CXorf38: variants seen among roughly 807,000 people sequenced by gnomAD.
CXorf38 encodes chromosome X open reading frame 38, also known as uncharacterized protein CXorf38.
CXorf38 carries 13 observed loss-of-function variants against 27.5 expected under a neutral mutation model. That is an observed-to-expected ratio of 0.47 (90% CI 0.31 to 0.75). CXorf38 has a LOEUF of 0.75. Among genes scored for constraint, CXorf38 ranks in the 30% least tolerant of loss-of-function variants. The probability of loss-of-function intolerance (pLI) is 0.05; values close to 1 mark genes in which losing one functional copy is unlikely to be tolerated. For synonymous variants in CXorf38, 100 were observed against 99.8 expected, an observed-to-expected ratio of 1.00 and a Z score of -0.01; for missense variants, 240 against 253.2, an observed-to-expected ratio of 0.95 and a Z score of 0.35.
In CXorf38 at chrX:40,643,663, C is replaced by A. The variant is rs753712600; in HGVS notation, c.351+3344G>T. 3.1e-4 allele frequency among the ~76,000 whole-genome samples: 35 copies of A among 111,196 alleles called. No homozygotes were observed. In the South Asian group the frequency reaches 0.013, roughly 42 times the overall value. On this transcript the variant is annotated intron_variant, in intron 2 of 6. Transcript: ENST00000327877. ...AGCTGGGATTACAGGCATGCGCCAC[C>A]ATGCCTGGCTAATTTTTTGTATTTT...
intron 5 of CXorf38, among the ~76,000 whole-genome samples, chrX:40,634,514 A>C (rs1927975213): frequency 8.9e-6 from 1 of 112,770 alleles, no homozygotes. Flanking sequence ...ATGAGAATGC[A>C]TCTTACCATT....
At chrX:40,646,465 T>C (rs770520124) in intron 2 of CXorf38, among the ~76,000 whole-genome samples, 1 of 111,206 alleles carries the variant, frequency 9.0e-6, no homozygotes, top group Admixed American at 9.5e-5. Flanking sequence ...GGCAAAAAAA[T>C]TTCCTACTCG....
chrX:40,640,044 G>T (rs1245572649), intron 2 of CXorf38: 2 of 193,224 alleles, frequency 1.0e-5, no homozygotes, highest in Non-Finnish European at 1.9e-5. Context: ...AAAGTTACTC[G>T]CAATAAGAAC....
intron 2 of CXorf38, among the ~76,000 whole-genome samples, chrX:40,644,325 G>A (rs1928478607): frequency 8.9e-6 from 1 of 112,018 alleles, no homozygotes; most frequent in Non-Finnish European, 1.9e-5. Flanking sequence ...CAACACACGA[G>A]TGGAGGTATG....
intron 5 of CXorf38, among the ~76,000 whole-genome samples, chrX:40,631,708 G>A (rs746924407): frequency 8.9e-6 from 1 of 112,342 alleles, no homozygotes; most frequent in Non-Finnish European, 1.9e-5. Flanking sequence ...GAGAGCAGTA[G>A]TTCTTAAACT....
In CXorf38 at chrX:40,629,387, A is replaced by G. The variant is rs1238210553; in HGVS notation, c.*777T>C. 1.8e-5 allele frequency: 2 copies of G among 111,683 alleles called. No homozygotes were observed. The highest frequency in any genetic ancestry group is 9.5e-5 in the Admixed American group (1 of 10,534). The allele number at this position is 111,683 out of a possible 1,213,427, so 9.2% of individuals were successfully genotyped here. A position where few individuals can be genotyped will look rare whatever the true frequency, so the allele number is the denominator to read the frequency against. On this transcript the variant is annotated 3_prime_UTR_variant, in exon 7 of 7. Coordinates refer to ENST00000327877, the MANE Select transcript of CXorf38 (RefSeq NM_144970.3). ...CTTCTTGCTTTCCTCTAAAAAGGAAATATTTCTTTCCTATCCCAACATTTA... is the reference window on the plus strand; with the variant it reads ...CTTCTTGCTTTCCTCTAAAAAGGAAGTATTTCTTTCCTATCCCAACATTTA...
chrX:40,639,187 G>A (rs923560555), intron 2 of CXorf38, 59 bp from the exon 3 acceptor site: 1 of 1,104,131 alleles, frequency 9.1e-7, no homozygotes, highest in African/African-American at 1.8e-5. Flanking sequence ...GAGATGGAAA[G>A]GCAATGGTTA....
chrX:40,630,791 G>A lies in CXorf38; in HGVS notation c.802-18C>T. ...TTTGAGAGCTGCAAGAGGAAACCAT[G>A]CAATGTACAGCTTAGACGATTTTAT... On this transcript the variant is annotated intron_variant, in intron 5 of 6. Transcript: ENST00000327877. The A allele has an allele frequency of 8.3e-7, 1 of 1,200,974 alleles. No individual in the cohort carries two copies. The highest frequency in any genetic ancestry group is 1.1e-6 in the Non-Finnish European group (1 of 887,799).
At chrX:40,631,928 T>C (rs1445608246) in intron 5 of CXorf38, among the ~76,000 whole-genome samples, 1 of 111,120 alleles carries the variant, frequency 9.0e-6, no homozygotes, top group African/African-American at 3.3e-5. Context: ...TTCAGATTGG[T>C]CAGTAAGTAG....
intron 2 of CXorf38, among the ~76,000 whole-genome samples, chrX:40,642,706 G>T (rs1028340353): frequency 1.8e-5 from 2 of 111,768 alleles, no homozygotes; most frequent in Non-Finnish European, 3.8e-5. Context: ...TGCTCTGCTG[G>T]ATTTGTGTAT....
rs780266283 is a variant in CXorf38 at position 40,627,815 on chromosome X, G to A, written c.*2349C>T. 4.6e-4 allele frequency: 51 copies of A among 112,053 alleles called. 4 individuals carry two copies. The highest frequency in any genetic ancestry group is 3.8e-5 in the Non-Finnish European group (2 of 53,249). 9.2% of individuals were successfully genotyped at this position (112,053 alleles called of 1,213,427 possible). On this transcript the variant is annotated 3_prime_UTR_variant, in exon 7 of 7. Transcript: ENST00000327877. ...GACAAATCCAGTAAGATGACAGTTC[G>A]TATACCATCATCCATACCTTACACA...
chrX:40,630,680 G>A lies in CXorf38; in HGVS notation c.895C>T (p.Leu299Phe), dbSNP rs754223811. Residue 299 changes from leucine (L) to phenylalanine (F), a missense_variant, in exon 6 of 7, where the codon CTC (leucine) becomes TTC (phenylalanine). Coordinates refer to ENST00000327877, the MANE Select transcript of CXorf38 (RefSeq NM_144970.3). ...GAATCCAGTTTTTGATGTAGACAGA[G>A]GCTGTCTAGCTTCTGCATATCTTCT... ...LTEDMQKLDS[L>F]CLHQKLDSQE... 1 of 1,206,720 alleles carries A rather than the reference G, an allele frequency of 8.3e-7. No homozygotes were observed. Among genetic ancestry groups the A allele is most frequent in the Non-Finnish European group, 1.1e-6 (1 of 891,081 alleles).
chrX:40,632,427 T>C (rs903445526), intron 5 of CXorf38, among the ~76,000 whole-genome samples: 8 of 112,086 alleles, frequency 7.1e-5, no homozygotes, highest in Admixed American at 3.8e-4. Context: ...TGCCTTTCTT[T>C]CCCATTATCT....
chrX:40,638,238 G>GTT (rs1928159739), intron 3 of CXorf38, among the ~76,000 whole-genome samples: 1 of 112,067 alleles, frequency 8.9e-6, no homozygotes, highest in African/African-American at 3.2e-5. Flanking sequence ...GTCTTCCACA[G>GTT]TTTGGTTAAA....
intron 2 of CXorf38, 65 bp from the exon 3 acceptor site, chrX:40,639,193 G>A (rs1466773349): frequency 1.8e-6 from 2 of 1,095,769 alleles, no homozygotes; most frequent in Non-Finnish European, 2.5e-6. Flanking sequence ...GAAAGGCAAT[G>A]GTTACTTGTC....
chrX:40,641,039 AAAG>A (rs996395997), intron 2 of CXorf38, among the ~76,000 whole-genome samples: 6 of 110,443 alleles, frequency 5.4e-5, no homozygotes, highest in Non-Finnish European at 1.9e-5. Flanking sequence ...AAACTGAAGA[AAAG>A]AAGCTCTGAA....
intron 2 of CXorf38, among the ~76,000 whole-genome samples, chrX:40,646,228 G>A (rs1602430818): frequency 1.9e-4 from 1 of 5,231 alleles, no homozygotes; most frequent in Non-Finnish European, 2.6e-4. Context: ...TTACAGGCGT[G>A]AGCCACTGCG....
At chrX:40,633,371 G>C (rs1013303696) in intron 5 of CXorf38, among the ~76,000 whole-genome samples, 7 of 110,784 alleles carry the variant, frequency 6.3e-5, no homozygotes, top group African/African-American at 2.3e-4. Flanking sequence ...GTACTGTTAA[G>C]TCTCACCTTC....
intron 2 of CXorf38, among the ~76,000 whole-genome samples, chrX:40,640,913 C>T (rs1484230582): frequency 2.2e-5 from 2 of 89,238 alleles, no homozygotes; most frequent in East Asian, 7.4e-4. Context: ...ACTCTCTAGC[C>T]TGGGCAACAG....
Sources: gnomAD v4.1 joint callset for allele counts (sites outside exome capture counted in the v4.1 genomes callset) on GRCh38, gnomAD v4.1.1 for gene constraint, MANE v1.5 for transcripts, NCBI Gene and HGNC (gene_info 2026-07-23, HGNC 2026-07-21) for gene names.